Variants in TIAM1 observed in about 807,000 individuals in gnomAD.
TIAM1 encodes TIAM Rac1 associated GEF 1, also known as rho guanine nucleotide exchange factor TIAM1.
TIAM1 carries 65 observed loss-of-function variants against 163.5 expected under a neutral mutation model. The observed-to-expected ratio is 0.40, with a 90% CI of 0.33 to 0.49. The LOEUF is 0.49. Among genes scored for constraint, TIAM1 ranks in the 20% least tolerant of loss-of-function variants. The probability of loss-of-function intolerance (pLI) is 0.77; values close to 1 mark genes in which losing one functional copy is unlikely to be tolerated. For synonymous variants in TIAM1, 833 were observed against 810.1 expected (o/e 1.03, Z -0.48); for missense variants, 1,789 against 2,044.7 (o/e 0.87, Z 2.41).
At chr21:31,500,166 A>G (rs912284943) in intron 1 of TIAM1, among the ~76,000 whole-genome samples, 5 of 152,144 alleles carry the variant, frequency 3.3e-5, no homozygotes, top group Non-Finnish European at 7.4e-5. Context: ...CTCCATCTCA[A>G]AAAATAAAAT....
chr21:31,280,118 C>T (rs1048874774), intron 2 of TIAM1, among the ~76,000 whole-genome samples: 4 of 152,150 alleles, frequency 2.6e-5, no homozygotes, highest in East Asian at 1.9e-4. Flanking sequence ...CCTAGGGAAG[C>T]GAATGCTGAA....
intron 2 of TIAM1, among the ~76,000 whole-genome samples, chr21:31,321,288 G>A (rs1348700193): frequency 6.6e-6 from 1 of 152,112 alleles, no homozygotes; most frequent in African/African-American, 2.4e-5. Flanking sequence ...ATAATCTGAG[G>A]CCGGTCCACA....
At chr21:31,558,061 G>A (rs2048948824) in intron 1 of TIAM1, among the ~76,000 whole-genome samples, 1 of 152,150 alleles carries the variant, frequency 6.6e-6, no homozygotes, top group Non-Finnish European at 1.5e-5. Context: ...AGGTTTCGAG[G>A]GGGCAAGCGG....
At chr21:31,487,314 C>T (rs747039124) in intron 1 of TIAM1, among the ~76,000 whole-genome samples, 3 of 152,182 alleles carry the variant, frequency 2.0e-5, no homozygotes, top group Non-Finnish European at 4.4e-5. Context: ...TTCACACGTC[C>T]CAGTCTAAGC....
intron 1 of TIAM1, among the ~76,000 whole-genome samples, chr21:31,546,257 A>C (rs577005641): frequency 2.6e-5 from 4 of 152,018 alleles, no homozygotes; most frequent in Admixed American, 1.3e-4. Context: ...AAAAATGTTA[A>C]AAAGAAACCA....
intron 2 of TIAM1, among the ~76,000 whole-genome samples, chr21:31,328,543 AT>A (rs893005804): frequency 1.1e-3 from 154 of 144,764 alleles, no homozygotes; most frequent in Middle Eastern, 3.6e-3. Flanking sequence ...GCTTATTATT[AT>A]TTTTTTTTTT....
At chr21:31,291,164 C>A (rs2074005173) in intron 2 of TIAM1, among the ~76,000 whole-genome samples, 1 of 152,170 alleles carries the variant, frequency 6.6e-6, no homozygotes. Flanking sequence ...CCAACCATAA[C>A]TGCATTTCTC....
At chr21:31,434,199 A>G (rs958897328) in intron 2 of TIAM1, among the ~76,000 whole-genome samples, 7 of 152,238 alleles carry the variant, frequency 4.6e-5, no homozygotes, top group Admixed American at 3.3e-4. Flanking sequence ...AGATGCAGTA[A>G]CAAGGACCAG....
chr21:31,427,369 C>T (rs1569321650), intron 2 of TIAM1, among the ~76,000 whole-genome samples: 8 of 151,982 alleles, frequency 5.3e-5, no homozygotes, highest in African/African-American at 1.7e-4. Context: ...CGCCTGTAGT[C>T]CCAGCTACTC....
At chr21:31,190,604 G>A (rs1364707426) in intron 13 of TIAM1, among the ~76,000 whole-genome samples, 1 of 152,136 alleles carries the variant, frequency 6.6e-6, no homozygotes, top group Non-Finnish European at 1.5e-5. Flanking sequence ...AGTACTAGAA[G>A]TACCCAGAGA....
At chr21:31,406,798 T>A (rs2077255054) in intron 2 of TIAM1, among the ~76,000 whole-genome samples, 1 of 152,064 alleles carries the variant, frequency 6.6e-6, no homozygotes, top group South Asian at 2.1e-4. Context: ...CCCTCCTCAT[T>A]CAATTTTCAC....
intron 2 of TIAM1, among the ~76,000 whole-genome samples, chr21:31,373,157 A>G (rs546688576): frequency 6.6e-6 from 1 of 151,990 alleles, no homozygotes. Context: ...GCATGGTGGC[A>G]CGTGCCTGTG....
chr21:31,192,927 C>T (rs543840226), intron 13 of TIAM1, among the ~76,000 whole-genome samples: 4 of 152,204 alleles, frequency 2.6e-5, no homozygotes, highest in Admixed American at 6.5e-5. Flanking sequence ...CCACAAGGGA[C>T]GCGTGGTGAA....
intron 1 of TIAM1, among the ~76,000 whole-genome samples, chr21:31,494,413 T>G (rs1272461307): frequency 2.0e-5 from 3 of 152,198 alleles, no homozygotes; most frequent in Admixed American, 2.0e-4. Flanking sequence ...AAAGCAAACA[T>G]GAGGAAAGCA....
At chr21:31,559,029 T>G (rs953926878), upstream of TIAM1, 5 of 151,680 alleles carry the variant, frequency 3.3e-5, no homozygotes. Flanking sequence ...GCTGCAGAGC[T>G]GCGCGCCCGA....
intron 2 of TIAM1, among the ~76,000 whole-genome samples, chr21:31,462,390 G>C (rs1337319972): frequency 1.3e-5 from 2 of 152,212 alleles, no homozygotes; most frequent in Non-Finnish European, 2.9e-5. Context: ...AAAGAACACA[G>C]TAGGAATAAG....
rs2123252720 is a variant in TIAM1, at chr21:31,536,684, G to A, written c.-422+22243C>T. Reference sequence around the variant, plus strand: ...GGCAGGGCTGGGGTGAGCAAGGAGTGAGGAGAAACGGGTGGAACAGGGCAT... The same window carrying A: ...GGCAGGGCTGGGGTGAGCAAGGAGTAAGGAGAAACGGGTGGAACAGGGCAT... On this transcript the variant is annotated intron_variant, in intron 1 of 28. Transcript: ENST00000286827. Among the ~76,000 whole-genome samples, 4 of 152,360 alleles carry A rather than the reference G, an allele frequency of 2.6e-5. No individual in the cohort carries two copies. The South Asian group carries it at 8.3e-4, about 32-fold the overall frequency.
chr21:31,337,524 A>G (rs199561434), intron 2 of TIAM1, among the ~76,000 whole-genome samples: 16,446 of 147,420 alleles, frequency 0.11, 1,271 homozygotes, highest in East Asian at 0.43. Context: ...TGTTGTTATT[A>G]TTATTATTAT....
At position 31,410,475 on chromosome 21, in the gene TIAM1, G is replaced by A. The variant is rs12483359; in HGVS notation, c.-369+53508C>T. Among the ~76,000 whole-genome samples, 99 of 143,334 alleles carry A rather than the reference G, an allele frequency of 6.9e-4. No homozygotes were observed. In the Middle Eastern group the frequency reaches 0.01, roughly 15 times the overall value. 94.0% of individuals were successfully genotyped at this position (143,334 alleles called of 152,430 possible). ...GTTACGTATGTGAGCATGTGTGAGC[G>A]ACTGTGTAAGAGTGTGTGTGATAGT... On this transcript the variant is annotated intron_variant, in intron 2 of 28. Transcript: ENST00000286827.
Sources: allele counts gnomAD v4.1 joint callset (sites outside exome capture counted in the v4.1 genomes callset), GRCh38; gene constraint gnomAD v4.1.1; transcripts MANE v1.5; gene names NCBI Gene and HGNC (gene_info 2026-07-23, HGNC 2026-07-21).